RYR1: variants seen among roughly 807,000 people sequenced by gnomAD.
The protein encoded by RYR1 is ryanodine receptor 1, also known as central core disease of muscle.
Under a neutral mutation model 583.5 loss-of-function variants are expected in RYR1, and 342 were observed. That is an observed-to-expected ratio of 0.59 (90% CI 0.54 to 0.64). The LOEUF (loss-of-function observed/expected upper bound fraction) is 0.64, where lower values mean the gene tolerates loss of function less well. Ranked by LOEUF, RYR1 falls within the 30% of genes least tolerant of loss-of-function variation. The pLI, the probability that RYR1 is intolerant of heterozygous loss-of-function variation, is 0.00. For missense variants in RYR1, 6,032 were observed against 6,917.2 expected, an observed-to-expected ratio of 0.87 and a Z score of 4.54; for synonymous variants, 2,791 against 2,822.5, an observed-to-expected ratio of 0.99 and a Z score of 0.35.
In RYR1 at chr19:38,485,890, G is replaced by A. The variant is rs149471411; in HGVS notation, c.5235G>A (p.Thr1745=). The A allele has an allele frequency of 5.6e-5, 91 of 1,613,640 alleles. No individual in the cohort carries two copies. The African/African-American group carries it at 1.1e-3, about 20-fold the overall frequency. ...TCACGCCTGAGACCCGCGCCATCAC[G>A]CTCTTCCCTCCTGGAAGGAGCACAG... ...VPLTPETRAI[T]LFPPGRSTEN... is the part of the protein sequence containing the mutation. The change falls in exon 34 of 106, where the codon ACG becomes ACA. Residue 1745 remains threonine (T), a synonymous_variant. Transcript: ENST00000359596.
chr19:38,519,328 A>T lies in RYR1; in HGVS notation c.10133A>T (p.Gln3378Leu). The change falls in exon 67 of 106, where the codon CAG becomes CTG. Residue 3378 changes from glutamine to leucine, a missense_variant. This residue lies in a region of RYR1 where 1,493 missense variants were observed against 1,715.5 expected (regional missense o/e 0.87). Coordinates refer to ENST00000359596, the MANE Select transcript of RYR1 (RefSeq NM_000540.3). The part of the protein sequence containing the change: ...RAGKVVSEEE[Q>L]LRLEAKAEAQ... ...GGGAAGGTGGTGTCCGAGGAGGAGC[A>T]GCTGCGCCTGGAGGCCAAGGCGGAG... 3 of 1,613,700 alleles carry T rather than the reference A, an allele frequency of 1.9e-6. No individual in the cohort carries two copies. Among genetic ancestry groups the T allele is most frequent in the Non-Finnish European group, 2.5e-6 (3 of 1,179,788 alleles).
intron 84 of RYR1, among the ~76,000 whole-genome samples, chr19:38,541,403 T>C (rs1972182529): frequency 6.6e-6 from 1 of 151,252 alleles, no homozygotes; most frequent in African/African-American, 2.5e-5. Flanking sequence ...TGAACACATG[T>C]ATCAGGTCTC....
chr19:38,517,643 G>A lies in RYR1; in HGVS notation c.9970G>A (p.Val3324Ile), dbSNP rs761241693. Reference sequence around the variant, plus strand: ...GCTGGGGAATATCCTGAGAATCATCGTCAACAACCTGGGCATTGACGAGGC... The same window carrying A: ...GCTGGGGAATATCCTGAGAATCATCATCAACAACCTGGGCATTGACGAGGC... ...SLLGNILRII[V>I]NNLGIDEASW... The change falls in exon 66 of 106, where the codon GTC (valine) becomes ATC (isoleucine). Residue 3324 changes from valine to isoleucine, a missense_variant. Physicochemically the swap from Val to Ile is conservative, Grantham distance 29. Around this residue, in one of 11 missense-constraint regions of RYR1, gnomAD observed 1,493 missense variants for 1,715.5 expected, o/e 0.87. Coordinates refer to ENST00000359596, the MANE Select transcript of RYR1 (RefSeq NM_000540.3). 4 of 1,614,122 alleles carry A rather than the reference G, an allele frequency of 2.5e-6. No individual in the cohort carries two copies. The highest frequency in any genetic ancestry group is 3.4e-6 in the Non-Finnish European group (4 of 1,180,022).
At chr19:38,564,868 G>C (rs551310799) in intron 90 of RYR1, 91 bp from the exon 91 acceptor site, 1 of 1,525,982 alleles carries the variant, frequency 6.6e-7, no homozygotes, top group East Asian at 2.5e-5. Flanking sequence ...AGCGCCTGCC[G>C]CGGTGACCCC....
Position 38,587,382 on chromosome 19 carries a change from G to A in RYR1, c.15079G>A (p.Asp5027Asn). Residue 5027 changes from aspartate to asparagine, a missense_variant, in exon 106 of 106, where the codon GAT (aspartate) becomes AAT (asparagine). By Grantham distance (23) the Asp-to-Asn change is conservative (BLOSUM62 1). Transcript: ENST00000359596. Reference sequence around the variant, plus strand: ...ATGTTGGGATTTCTTCCCAGCTGGTGATTGTTTCCGTAAGCAGTATGAGGA... The same window carrying A: ...ATGTTGGGATTTCTTCCCAGCTGGTAATTGTTTCCGTAAGCAGTATGAGGA... ...ERCWDFFPAG[D>N]CFRKQYEDQL... The A allele has an allele frequency of 6.2e-7, 1 of 1,614,080 alleles. No individual in the cohort carries two copies. The highest frequency in any genetic ancestry group is 8.5e-7 in the Non-Finnish European group (1 of 1,180,018).
In RYR1 at chr19:38,564,703, C is replaced by T. The variant is rs10415812; in HGVS notation, c.12625-256C>T. Among the ~76,000 whole-genome samples, 15,298 of 151,874 alleles carry T rather than the reference C, an allele frequency of 0.1. 881 individuals are homozygous for T. The highest frequency in any genetic ancestry group is 0.13 in the Admixed American group (2,056 of 15,256). ...CTAATTTTTGCATTTTTAGTAGAGA[C>T]GGGGGTTTCACCATGTTGGCCAGGC... On this transcript the variant is annotated intron_variant, in intron 90 of 105. Coordinates refer to ENST00000359596, the MANE Select transcript of RYR1 (RefSeq NM_000540.3).
At chr19:38,546,414 A>C (rs1232638147) in intron 87 of RYR1, 31 bp from the exon 88 acceptor site, 1 of 1,600,372 alleles carries the variant, frequency 6.2e-7, no homozygotes, top group Non-Finnish European at 8.6e-7. Flanking sequence ...GTGTATGCTG[A>C]GACCAGCCCT....
chr19:38,497,822 A>T (rs1969915724), intron 42 of RYR1, among the ~76,000 whole-genome samples: 1 of 152,000 alleles, frequency 6.6e-6, no homozygotes, highest in African/African-American at 2.4e-5. Context: ...AAAAATACAA[A>T]AAGTAGGTGG....
At chr19:38,488,858 C>T (rs940813502) in intron 34 of RYR1, among the ~76,000 whole-genome samples, 4 of 152,102 alleles carry the variant, frequency 2.6e-5, no homozygotes, top group African/African-American at 7.2e-5. Flanking sequence ...GCTATGCAGG[C>T]GTAGGGTGTG....
chr19:38,472,054 T>C (rs188299644), intron 27 of RYR1, among the ~76,000 whole-genome samples: 1 of 152,090 alleles, frequency 6.6e-6, no homozygotes, highest in Admixed American at 6.6e-5. Flanking sequence ...GAGAACAACT[T>C]TCATTGTTTA....
chr19:38,474,398 G>A (rs1201293175), intron 28 of RYR1, among the ~76,000 whole-genome samples: 1 of 151,826 alleles, frequency 6.6e-6, no homozygotes, highest in African/African-American at 2.4e-5. Context: ...GAGTAGCTGG[G>A]ATTACAGGCA....
chr19:38,546,070 G>A (rs969083279), intron 87 of RYR1, among the ~76,000 whole-genome samples: 3 of 151,990 alleles, frequency 2.0e-5, no homozygotes, highest in East Asian at 1.9e-4. Flanking sequence ...CAATCCCACC[G>A]TAGGCCAGGC....
In RYR1 at chr19:38,534,768, C is replaced by T. The variant is rs941640236; in HGVS notation, c.11308C>T (p.His3770Tyr). 1.9e-6 allele frequency: 3 copies of T among 1,614,046 alleles called. No individual in the cohort carries two copies. Among genetic ancestry groups the T allele is most frequent in the Non-Finnish European group, 2.5e-6 (3 of 1,179,998 alleles). ...QRLLYQQARLHTRGAAEMVLQ... is the reference protein window; with the variant it reads ...QRLLYQQARLYTRGAAEMVLQ... ...GCTCTTGTACCAGCAAGCACGGCTG[C>T]ACACCCGGGGGGCGGCCGAGATGGT... The change falls in exon 79 of 106, where the codon CAC (histidine) becomes TAC (tyrosine). Residue 3770 changes from histidine (H) to tyrosine (Y), a missense_variant. Transcript: ENST00000359596.
At position 38,528,935 on chromosome 19, in the gene RYR1, T is replaced by TC; in HGVS notation, c.11035-12dup. ...ACTCTAGAAACCCTCTCCCCAAGTCTCCCCTCTCCCACCAGAAAGCTGGGG... is the reference window on the plus strand; with the variant it reads ...ACTCTAGAAACCCTCTCCCCAAGTCTCCCCCTCTCCCACCAGAAAGCTGGGG... On this transcript the variant is annotated splice_polypyrimidine_tract_variant and intron_variant, in intron 75 of 105. Coordinates refer to ENST00000359596, the MANE Select transcript of RYR1 (RefSeq NM_000540.3). 3 of 1,603,556 alleles carry TC rather than the reference T, an allele frequency of 1.9e-6. No individual in the cohort carries two copies. Among genetic ancestry groups the TC allele is most frequent in the Non-Finnish European group, 2.6e-6 (3 of 1,174,872 alleles).
In RYR1 at chr19:38,543,828, G is replaced by A. The variant is rs753344189; in HGVS notation, c.11965G>A (p.Val3989Met). 6.2e-7 allele frequency: 1 copy of A among 1,613,970 alleles called. No homozygotes were observed. Among genetic ancestry groups the A allele is most frequent in the South Asian group, 1.1e-5 (1 of 91,076 alleles). ...LAHSRLWDAV[V>M]GFLHVFAHMM... ...GCACAGTCGCCTATGGGACGCAGTG[G>A]TGGGATTCCTGCACGTGTTCGCCCA... Residue 3989 changes from valine to methionine, a missense_variant, in exon 87 of 106, where the codon GTG becomes ATG. Physicochemically the swap from Val to Met is conservative, Grantham distance 21. This residue lies in a region of RYR1 where 82 missense variants were observed against 139.7 expected (regional missense o/e 0.59). Transcript: ENST00000359596. This position sits in a 1 kb window ranked among gnomAD's most constrained non-coding sequence, Gnocchi z 4.4.
intron 96 of RYR1, among the ~76,000 whole-genome samples, chr19:38,574,609 G>A (rs1335935001): frequency 6.6e-6 from 1 of 151,998 alleles, no homozygotes. Flanking sequence ...TTCAGCCTGA[G>A]TGACAGAGCA....
intron 63 of RYR1, among the ~76,000 whole-genome samples, chr19:38,513,155 T>C (rs1325411111): frequency 6.6e-6 from 1 of 151,752 alleles, no homozygotes; most frequent in African/African-American, 2.4e-5. Context: ...CTGGCCAACA[T>C]GATGAAACCT....
intron 90 of RYR1, among the ~76,000 whole-genome samples, chr19:38,564,636 G>A (rs1392691084): frequency 6.6e-6 from 1 of 151,694 alleles, no homozygotes; most frequent in Non-Finnish European, 1.5e-5. Flanking sequence ...TCCTACCTCA[G>A]CCTCCCGAGT....
Position 38,573,165 on chromosome 19 carries a change from C to T in RYR1, c.13999-12C>T. 6.2e-7 allele frequency: 1 copy of T among 1,613,692 alleles called. No homozygotes were observed. Among genetic ancestry groups the T allele is most frequent in the Non-Finnish European group, 8.5e-7 (1 of 1,179,742 alleles). On this transcript the variant is annotated splice_polypyrimidine_tract_variant and intron_variant, in intron 95 of 105. Transcript: ENST00000359596. ...GCCTGACGCCCACCTTTGGCCTCCT[C>T]CCACTATCCAGGTGCCCCTGGTAAT...
Sources: gnomAD v4.1 joint callset for allele counts (sites outside exome capture counted in the v4.1 genomes callset) on GRCh38, gnomAD v4.1.1 for gene constraint, gnomAD v4.1.1 regional missense constraint, Gnocchi (gnomAD v3.1) non-coding constraint, MANE v1.5 for transcripts, NCBI Gene and HGNC (gene_info 2026-07-23, HGNC 2026-07-21) for gene names.